The following ANKDD1A variants were observed in gnomAD, a reference collection of about 807,000 sequenced individuals.
ANKDD1A encodes the protein ankyrin repeat and death domain containing 1A.
ANKDD1A carries 59 observed loss-of-function variants against 63.5 expected under a neutral mutation model. That is an observed-to-expected ratio of 0.93 (90% CI 0.75 to 1.15). ANKDD1A has a LOEUF of 1.15. Ranked by LOEUF, ANKDD1A falls within the 50% of genes most tolerant of loss-of-function variation. The probability of loss-of-function intolerance (pLI) is 0.00; values close to 1 mark genes in which losing one functional copy is unlikely to be tolerated. For missense variants in ANKDD1A, 632 were observed against 656.4 expected (o/e 0.96, Z 0.41); for synonymous variants, 266 against 263.9 (o/e 1.01, Z -0.08).
intron 14 of ANKDD1A, among the ~76,000 whole-genome samples, chr15:64,956,304 C>CTT (rs1025737900): frequency 6.7e-6 from 1 of 149,772 alleles, no homozygotes; most frequent in African/African-American, 2.5e-5. Flanking sequence ...AATCCCAGCA[C>CTT]TTTGGGAGGG....
At position 64,917,366 on chromosome 15, in the gene ANKDD1A, T is replaced by C; in HGVS notation, c.139-20T>C. 6.3e-7 allele frequency: 1 copy of C among 1,590,840 alleles called. No homozygotes were observed. Among genetic ancestry groups the C allele is most frequent in the Non-Finnish European group, 8.6e-7 (1 of 1,166,328 alleles). ...CCAGGTGGCAGCAGCACCTGACAAG[T>C]GTCATCTCCCTCCGGGCAGGTGGGC... On this transcript the variant is annotated intron_variant, in intron 2 of 14. Transcript: ENST00000319580.
At chr15:64,950,760 A>G (rs2085264167) in intron 14 of ANKDD1A, 2 of 809,794 alleles carry the variant, frequency 2.5e-6, no homozygotes, top group Non-Finnish European at 2.9e-6. Context: ...CATAGCTGCT[A>G]TAGGCAAGGT....
Position 64,915,913 on chromosome 15 carries a change from C to A in ANKDD1A, c.138+13C>A. 6.2e-7 allele frequency: 1 copy of A among 1,610,872 alleles called. No homozygotes were observed. The highest frequency in any genetic ancestry group is 8.5e-7 in the Non-Finnish European group (1 of 1,177,994). ...GGCCAGAAACCACGTGCGTAATGAGCTTCTCTGAATCCAGGCACCTGGGAT... is the reference window on the plus strand; with the variant it reads ...GGCCAGAAACCACGTGCGTAATGAGATTCTCTGAATCCAGGCACCTGGGAT... On this transcript the variant is annotated intron_variant, in intron 2 of 14. Coordinates refer to ENST00000319580, the MANE Select transcript of ANKDD1A (RefSeq NM_182703.6).
chr15:64,921,549 A>C (rs1267675411), intron 3 of ANKDD1A, among the ~76,000 whole-genome samples: 1 of 151,852 alleles, frequency 6.6e-6, no homozygotes, highest in African/African-American at 2.4e-5. Context: ...TAATTTTTCT[A>C]TTTTTAGTAG....
At chr15:64,950,479 G>A (rs2085260795) in intron 14 of ANKDD1A, 1 of 985,252 alleles carries the variant, frequency 1.0e-6, no homozygotes. Flanking sequence ...CAGACAAGCA[G>A]GATAGAAGGT....
intron 9 of ANKDD1A, among the ~76,000 whole-genome samples, chr15:64,940,466 T>C (rs1188645896): frequency 1.3e-5 from 2 of 152,128 alleles, no homozygotes; most frequent in Admixed American, 6.6e-5. Flanking sequence ...AGAGTCTTGC[T>C]CTGTCGCCCA....
intron 13 of ANKDD1A, among the ~76,000 whole-genome samples, chr15:64,948,030 C>A (rs752039286): frequency 1.8e-5 from 2 of 111,554 alleles, no homozygotes; most frequent in East Asian, 2.7e-4. Context: ...ATACATAGGA[C>A]GTCCAGAGGA....
intron 14 of ANKDD1A, among the ~76,000 whole-genome samples, chr15:64,956,373 C>A (rs945222566): frequency 2.6e-5 from 4 of 151,970 alleles, no homozygotes; most frequent in Non-Finnish European, 4.4e-5. Context: ...CACAGTGAAA[C>A]CCTGTCTCTA....
At chr15:64,938,944 CA>C (rs34151661) in intron 9 of ANKDD1A, among the ~76,000 whole-genome samples, 113,038 of 132,802 alleles carry the variant, frequency 0.85, 49,597 homozygotes, top group East Asian at 0.98. Context: ...GACTCCATCT[CA>C]AAAAAAAAAA....
intron 8 of ANKDD1A, 36 bp from the exon 9 acceptor site, chr15:64,934,100 C>T: frequency 1.3e-6 from 2 of 1,565,434 alleles, no homozygotes; most frequent in Non-Finnish European, 1.8e-6. Context: ...TAGGAGGGGT[C>T]CTTGTGATAA....
intron 6 of ANKDD1A, among the ~76,000 whole-genome samples, 185 bp downstream of exon 6, chr15:64,927,184 C>T (rs1162065912): frequency 6.6e-6 from 1 of 152,216 alleles, no homozygotes; most frequent in Non-Finnish European, 1.5e-5. Context: ...ATGGGCCAGC[C>T]CTGTGCTACA....
In ANKDD1A at chr15:64,914,895, G is replaced by A. The variant is rs530454117; in HGVS notation, c.35-902G>A. 1.0e-3 allele frequency among the ~76,000 whole-genome samples: 154 copies of A among 152,342 alleles called. 6 individuals are homozygous for A. In the South Asian group the frequency reaches 0.031, roughly 31 times the overall value. ...GAGGTTCCCTTTAATCTGAGACTCTGTGCTAAAGGTGCAGCGATGGGGGTG... is the reference window on the plus strand; with the variant it reads ...GAGGTTCCCTTTAATCTGAGACTCTATGCTAAAGGTGCAGCGATGGGGGTG... On this transcript the variant is annotated intron_variant, in intron 1 of 14. Transcript: ENST00000319580.
At chr15:64,952,969 T>TCTTTTC (rs2085327199) in intron 14 of ANKDD1A, among the ~76,000 whole-genome samples, 1 of 18,668 alleles carries the variant, frequency 5.4e-5, no homozygotes, top group Non-Finnish European at 3.2e-4. Context: ...CTCTTCTTCT[T>TCTTTTC]TTCTTCTTGT....
chr15:64,956,342 G>A (rs2085416562), intron 14 of ANKDD1A, among the ~76,000 whole-genome samples: 1 of 151,824 alleles, frequency 6.6e-6, no homozygotes, highest in Non-Finnish European at 1.5e-5. Context: ...GAGGTCAGGA[G>A]ATCGAGACCA....
In ANKDD1A at chr15:64,926,061, T is replaced by C. The variant is rs766114775; in HGVS notation, c.367-5T>C. ...CTGCAGGAACCCTCCTGCACTTGTT[T>C]CCAGGATGGCCTGACCTTACTGCAC... On this transcript the variant is annotated splice_region_variant and splice_polypyrimidine_tract_variant and intron_variant, in intron 4 of 14. Transcript: ENST00000319580. 1 of 1,612,186 alleles carries C rather than the reference T, an allele frequency of 6.2e-7. No individual in the cohort carries two copies. Among genetic ancestry groups the C allele is most frequent in the South Asian group, 1.1e-5 (1 of 90,600 alleles).
intron 11 of ANKDD1A, 85 bp from the exon 12 acceptor site, chr15:64,944,567 C>A: frequency 3.2e-6 from 4 of 1,267,232 alleles, no homozygotes; most frequent in Non-Finnish European, 2.2e-6. Context: ...TTCCTGTGGG[C>A]AGGAGGGTTT....
In ANKDD1A at chr15:64,953,053, T is replaced by TC. The variant is rs1465955384; in HGVS notation, c.1483+3081_1483+3082insC. 1.0e-4 allele frequency among the ~76,000 whole-genome samples: 15 copies of TC among 149,762 alleles called. 1 individual carries two copies. The highest frequency in any genetic ancestry group is 1.6e-4 in the Non-Finnish European group (11 of 67,326). On this transcript the variant is annotated intron_variant, in intron 14 of 14. Transcript: ENST00000319580. ...CCTTCTTCCTTTCTTCTTTCCTCTC[T>TC]TTTTTCTTCCTCTTTCCTTCTTTCT...
At chr15:64,953,729 C>T (rs1301670632) in intron 14 of ANKDD1A, among the ~76,000 whole-genome samples, 1 of 91,226 alleles carries the variant, frequency 1.1e-5, no homozygotes, top group Non-Finnish European at 2.3e-5. Flanking sequence ...TCTCCTTCTT[C>T]TCCTCCTTCT....
At chr15:64,942,412 A>C (rs538912827) in intron 9 of ANKDD1A, 55 bp from the exon 10 acceptor site, 1 of 1,382,236 alleles carries the variant, frequency 7.2e-7, no homozygotes, top group East Asian at 2.5e-5. Flanking sequence ...ACCAGCCTGC[A>C]GCTGGGCAGT....
Sources: gnomAD v4.1 joint callset for allele counts (sites outside exome capture counted in the v4.1 genomes callset) on GRCh38, gnomAD v4.1.1 for gene constraint, MANE v1.5 for transcripts, NCBI Gene and HGNC (gene_info 2026-07-23, HGNC 2026-07-21) for gene names.